The following TAFA2 variants were observed in gnomAD, a reference collection of about 807,000 sequenced individuals.
TAFA2 encodes the protein TAFA chemokine like family member 2, also known as chemokine-like protein TAFA-2.
TAFA2 carries 7 observed loss-of-function variants against 18.8 expected under a neutral mutation model. The observed-to-expected ratio is 0.37, with a 90% CI of 0.21 to 0.70. The LOEUF is 0.70. TAFA2 is among the 30% of genes least tolerant of loss of function. The pLI is 0.53. For missense variants in TAFA2, 122 were observed against 158.1 expected (o/e 0.77, Z 1.23); for synonymous variants, 60 against 54.2 (o/e 1.11, Z -0.47).
intron 1 of TAFA2, among the ~76,000 whole-genome samples, chr12:62,093,717 T>C (rs1483804482): frequency 6.6e-6 from 1 of 152,044 alleles, no homozygotes. Flanking sequence ...CACCAAAGCC[T>C]ACATTGCACT....
intron 1 of TAFA2, among the ~76,000 whole-genome samples, chr12:62,075,410 G>T (rs1882735927): frequency 6.6e-6 from 1 of 152,154 alleles, no homozygotes; most frequent in Non-Finnish European, 1.5e-5. Flanking sequence ...ATGTGTCCAA[G>T]CTCTTGACAA....
intron 1 of TAFA2, among the ~76,000 whole-genome samples, chr12:62,002,163 G>T (rs1880399999): frequency 6.6e-6 from 1 of 152,074 alleles, no homozygotes. Flanking sequence ...ATGTTTCACT[G>T]CGTTTTCATA....
chr12:61,742,426 A>G (rs1868497740), intron 4 of TAFA2, among the ~76,000 whole-genome samples: 1 of 152,006 alleles, frequency 6.6e-6, no homozygotes, highest in African/African-American at 2.4e-5. Context: ...TAGGTTCCAT[A>G]TCCTTGTATC....
rs576097205 is a variant in TAFA2 at position 62,106,058 on chromosome 12, C to T, written c.-2+85201G>A. Among the ~76,000 whole-genome samples the T allele has an allele frequency of 3.3e-5, 5 of 152,196 alleles. 1 individual carries two copies. Among genetic ancestry groups the T allele is most frequent in the East Asian group, 3.9e-4 (2 of 5,180 alleles). Reference sequence around the variant, plus strand: ...GTCATAAAGAAAAGTATAGGCCGGGCGCGGTGGCTCACGCCTGTAATCCCA... The same window carrying T: ...GTCATAAAGAAAAGTATAGGCCGGGTGCGGTGGCTCACGCCTGTAATCCCA... On this transcript the variant is annotated intron_variant, in intron 1 of 4. Transcript: ENST00000416284.
intron 1 of TAFA2, among the ~76,000 whole-genome samples, chr12:62,227,385 A>G (rs1004816694): frequency 6.6e-6 from 1 of 152,200 alleles, no homozygotes; most frequent in African/African-American, 2.4e-5. Flanking sequence ...CTGATGGGAC[A>G]AGCAGGGGCA....
intron 1 of TAFA2, among the ~76,000 whole-genome samples, chr12:61,988,988 T>C (rs181600025): frequency 1.2e-3 from 183 of 152,352 alleles, no homozygotes; most frequent in Non-Finnish European, 2.2e-3. Flanking sequence ...TTACCAAAAA[T>C]GAAAATATAT....
intron 1 of TAFA2, among the ~76,000 whole-genome samples, chr12:62,139,367 G>A (rs960142155): frequency 6.6e-6 from 1 of 152,060 alleles, no homozygotes; most frequent in Non-Finnish European, 1.5e-5. Flanking sequence ...CCCCATTTAC[G>A]GATTGTCATT....
intron 1 of TAFA2, among the ~76,000 whole-genome samples, chr12:62,081,010 C>G (rs567223354): frequency 6.6e-6 from 1 of 152,090 alleles, no homozygotes; most frequent in Non-Finnish European, 1.5e-5. Context: ...CTGCCTGACA[C>G]GGTGAAACCC....
At chr12:62,092,715 A>C (rs1235032290) in intron 1 of TAFA2, among the ~76,000 whole-genome samples, 2 of 152,148 alleles carry the variant, frequency 1.3e-5, no homozygotes, top group East Asian at 3.9e-4. Context: ...TGGATAAATC[A>C]ACCTCATTAA....
upstream of TAFA2, among the ~76,000 whole-genome samples, chr12:62,195,287 T>A (rs149677847): frequency 2.2e-4 from 33 of 152,338 alleles, no homozygotes; most frequent in East Asian, 5.8e-3. Flanking sequence ...TCCTTTGTTG[T>A]CATTTCAACA....
intron 4 of TAFA2, among the ~76,000 whole-genome samples, chr12:61,747,053 C>T (rs1032320622): frequency 3.3e-5 from 5 of 152,036 alleles, no homozygotes; most frequent in African/African-American, 7.2e-5. Context: ...AAAAAGTGGG[C>T]AAAGGATATG....
chr12:61,911,733 G>A (rs998135528), intron 1 of TAFA2, among the ~76,000 whole-genome samples: 5 of 152,162 alleles, frequency 3.3e-5, no homozygotes, highest in African/African-American at 4.8e-5. Context: ...ATAGAATTGA[G>A]GGTGAAATCA....
At chr12:62,081,775 G>A (rs138761734) in intron 1 of TAFA2, among the ~76,000 whole-genome samples, 15 of 152,154 alleles carry the variant, frequency 9.9e-5, no homozygotes, top group African/African-American at 2.2e-4. Context: ...ATGAGCCACC[G>A]CGCCCAACCT....
At chr12:61,821,146 C>A (rs1872306362) in intron 2 of TAFA2, among the ~76,000 whole-genome samples, 2 of 151,642 alleles carry the variant, frequency 1.3e-5, no homozygotes, top group African/African-American at 4.8e-5. Flanking sequence ...CACACACACA[C>A]ACACACACAC....
chr12:61,718,964 C>T (rs944316855), intron 4 of TAFA2, among the ~76,000 whole-genome samples: 1 of 152,090 alleles, frequency 6.6e-6, no homozygotes, highest in East Asian at 1.9e-4. Context: ...GCCTAGAGAG[C>T]ATTTTCTATT....
At chr12:61,880,362 A>G in intron 1 of TAFA2, 1 of 518,866 alleles carries the variant, frequency 1.9e-6, no homozygotes, top group Non-Finnish European at 3.9e-6. Flanking sequence ...CTGGCCATTA[A>G]GGATGCCAAC....
At position 61,808,623 on chromosome 12, in the gene TAFA2, C is replaced by T. The variant is rs77483232; in HGVS notation, c.107-53599G>A. 1.7e-3 allele frequency among the ~76,000 whole-genome samples: 264 copies of T among 151,424 alleles called. 19 individuals are homozygous for T. Among genetic ancestry groups the T allele is most frequent in the African/African-American group, 5.2e-3 (213 of 40,774 alleles). Reference sequence around the variant, plus strand: ...AGTCATGTAGTTTAGCAGGAAGTTACGGTTGGGTCCATGTTTTTAAAAGCC... The same window carrying T: ...AGTCATGTAGTTTAGCAGGAAGTTATGGTTGGGTCCATGTTTTTAAAAGCC... On this transcript the variant is annotated intron_variant, in intron 2 of 4. Coordinates refer to ENST00000416284, the MANE Select transcript of TAFA2 (RefSeq NM_178539.5).
chr12:62,079,518 G>A (rs964251294), intron 1 of TAFA2, among the ~76,000 whole-genome samples: 1 of 151,096 alleles, frequency 6.6e-6, no homozygotes, highest in Non-Finnish European at 1.5e-5. Flanking sequence ...AAAAAAATTA[G>A]CCAGACATAG....
chr12:61,820,296 T>C (rs1043837570), intron 2 of TAFA2, among the ~76,000 whole-genome samples: 4 of 152,006 alleles, frequency 2.6e-5, no homozygotes, highest in African/African-American at 9.7e-5. Flanking sequence ...ATAATTAACA[T>C]TGTATTGTGT....
Sources: allele counts gnomAD v4.1 joint callset (sites outside exome capture counted in the v4.1 genomes callset), GRCh38; gene constraint gnomAD v4.1.1; transcripts MANE v1.5; gene names NCBI Gene and HGNC (gene_info 2026-07-23, HGNC 2026-07-21).